Variants in KCNG3 observed in about 807,000 individuals in gnomAD.
KCNG3 encodes the protein voltage-gated potassium channel regulatory subunit KCNG3.
KCNG3 carries 15 observed loss-of-function variants against 29.0 expected under a neutral mutation model. The observed-to-expected ratio is 0.52, with a 90% CI of 0.35 to 0.80. The LOEUF is 0.80. Ranked by LOEUF, KCNG3 falls within the 30% of genes least tolerant of loss-of-function variation. KCNG3 has a pLI of 0.01. For synonymous variants in KCNG3, 322 were observed against 248.9 expected (o/e 1.29, Z -2.76); for missense variants, 512 against 605.7 (o/e 0.85, Z 1.62).
rs150742638 is a variant in KCNG3 at position 42,446,147 on chromosome 2, T to C, written c.666-1568A>G. Among the ~76,000 whole-genome samples, 575 of 151,972 alleles carry C rather than the reference T, an allele frequency of 3.8e-3. 3 individuals carry two copies. Among genetic ancestry groups the C allele is most frequent in the Middle Eastern group, 0.014 (4 of 292 alleles). On this transcript the variant is annotated intron_variant, in intron 1 of 1. Transcript: ENST00000306078. ...CACCTCTGGCCCTGTGAGCTGTAAT[T>C]TGAAGGTAATTTTAAATTTAATTAA...
At chr2:42,482,101 G>T (rs1373865172) in intron 1 of KCNG3, among the ~76,000 whole-genome samples, 2 of 152,170 alleles carry the variant, frequency 1.3e-5, no homozygotes, top group Non-Finnish European at 2.9e-5. Context: ...TGGGACTACA[G>T]TGTTATGTAT....
At chr2:42,411,970 T>C in the KCNG3 span, among the ~76,000 whole-genome samples, 229 of 152,348 alleles carry the variant, frequency 1.5e-3, no homozygotes, top group African/African-American at 5.3e-3. Flanking sequence ...TTAGCTTTGA[T>C]GAATCAAATA....
chr2:42,400,344 T>C, the KCNG3 span, among the ~76,000 whole-genome samples: 1 of 152,128 alleles, frequency 6.6e-6, no homozygotes, highest in Admixed American at 6.5e-5. Context: ...ACAGTGCCCA[T>C]GAGACAACAA....
Position 42,464,719 on chromosome 2 carries a change from G to A in KCNG3, c.666-20140C>T, listed in dbSNP as rs138990527. Among the ~76,000 whole-genome samples, 976 of 152,228 alleles carry A rather than the reference G, an allele frequency of 6.4e-3. 15 individuals carry two copies. The highest frequency in any genetic ancestry group is 0.022 in the African/African-American group (934 of 41,534). ...TGGCCAGCATCAACCAGGCCTTCAA[G>A]TCTGAGCTCAAGGATCACCACCCCA... On this transcript the variant is annotated intron_variant, in intron 1 of 1. Coordinates refer to ENST00000306078, the MANE Select transcript of KCNG3 (RefSeq NM_133329.6).
chr2:42,450,999 G>A (rs994557478), intron 1 of KCNG3, among the ~76,000 whole-genome samples: 1 of 152,126 alleles, frequency 6.6e-6, no homozygotes, highest in Non-Finnish European at 1.5e-5. Flanking sequence ...GAGGTCAGGA[G>A]TTCGAGACCA....
chr2:42,388,986 C>T, the KCNG3 span, among the ~76,000 whole-genome samples: 22 of 152,022 alleles, frequency 1.4e-4, no homozygotes, highest in Admixed American at 1.4e-3. Context: ...GGCAGGATCT[C>T]GGCTTACTGT....
chr2:42,464,972 G>A (rs1673104414), intron 1 of KCNG3, among the ~76,000 whole-genome samples: 1 of 152,000 alleles, frequency 6.6e-6, no homozygotes, highest in Non-Finnish European at 1.5e-5. Flanking sequence ...CAGAAAATAC[G>A]TTGCTTGACT....
At chr2:42,457,540 G>T (rs1672904733) in intron 1 of KCNG3, among the ~76,000 whole-genome samples, 1 of 149,758 alleles carries the variant, frequency 6.7e-6, no homozygotes, top group Non-Finnish European at 1.5e-5. Context: ...ATAATAAATG[G>T]CAGGTTAATA....
At chr2:42,414,814 C>A in the KCNG3 span, among the ~76,000 whole-genome samples, 1 of 152,158 alleles carries the variant, frequency 6.6e-6, no homozygotes, top group Admixed American at 6.6e-5. Flanking sequence ...TTTACAAATT[C>A]TCTCTTCAAA....
chr2:42,428,458 G>GAAAAAAAAAAAA, the KCNG3 span, among the ~76,000 whole-genome samples: 3 of 104,528 alleles, frequency 2.9e-5, 1 homozygote, highest in African/African-American at 4.1e-5. Flanking sequence ...CCCGGTCTCG[G>GAAAAAAAAAAAA]GAAAAAAAAA....
intron 1 of KCNG3, among the ~76,000 whole-genome samples, chr2:42,452,666 C>T (rs553108426): frequency 6.6e-6 from 1 of 152,204 alleles, no homozygotes; most frequent in East Asian, 1.9e-4. Context: ...AAAAAAATGA[C>T]CTCCAGTTCC....
At chr2:42,400,296 T>C in the KCNG3 span, among the ~76,000 whole-genome samples, 1 of 152,090 alleles carries the variant, frequency 6.6e-6, no homozygotes, top group African/African-American at 2.4e-5. Flanking sequence ...ACCTGCAGGA[T>C]GGAGGTCCCT....
intron 1 of KCNG3, among the ~76,000 whole-genome samples, chr2:42,475,315 C>T (rs900423011): frequency 7.0e-6 from 1 of 141,874 alleles, no homozygotes; most frequent in South Asian, 2.3e-4. Flanking sequence ...CAGAACAAGC[C>T]TCTGTCTCTT....
rs762844302 is a variant in KCNG3 at position 42,444,673 on chromosome 2, A to C, written c.666-94T>G. On this transcript the variant is annotated intron_variant, in intron 1 of 1. Coordinates refer to ENST00000306078, the MANE Select transcript of KCNG3 (RefSeq NM_133329.6). This position sits in a 1 kb window ranked among gnomAD's most constrained non-coding sequence, Gnocchi z 5.8. ...CAGATAGTACTACACTGACATACTAATTCAGTTACTTTTCCAGAAAACATA... is the reference window on the plus strand; with the variant it reads ...CAGATAGTACTACACTGACATACTACTTCAGTTACTTTTCCAGAAAACATA... 8.9e-7 allele frequency: 1 copy of C among 1,124,496 alleles called. No homozygotes were observed. The highest frequency in any genetic ancestry group is 2.4e-5 in the Admixed American group (1 of 42,342). The allele number at this position is 1,124,496 out of a possible 1,614,324, so 69.7% of individuals were successfully genotyped here.
At chr2:42,482,859 G>A (rs1673624175) in intron 1 of KCNG3, among the ~76,000 whole-genome samples, 1 of 152,122 alleles carries the variant, frequency 6.6e-6, no homozygotes, top group African/African-American at 2.4e-5. Flanking sequence ...AGTGGCTCAT[G>A]CCTATAATCC....
chr2:42,427,327 G>A, the KCNG3 span, among the ~76,000 whole-genome samples: 1 of 152,194 alleles, frequency 6.6e-6, no homozygotes, highest in African/African-American at 2.4e-5. Flanking sequence ...TTCCTGACAG[G>A]GAGTGGTGGC....
rs1277947467 is a variant in KCNG3 at position 42,444,052 on chromosome 2, A to G, written c.1193T>C (p.Ile398Thr). The change falls in exon 2 of 2, where the codon ATT becomes ACT. Residue 398 changes from isoleucine (I) to threonine (T), a missense_variant. Transcript: ENST00000306078. The surrounding 1 kb of genome is among the most constrained non-coding windows in gnomAD (Gnocchi z 5.8). ...ILGGVCVVSG[I>T]VLLALPITFI... is the part of the protein sequence containing the mutation. ...AGTGATAGGTAATGCCAATAGAACA[A>G]TTCCACTGACAACACAAACTCCTCC... 1 of 1,614,214 alleles carries G rather than the reference A, an allele frequency of 6.2e-7. No homozygotes were observed. The highest frequency in any genetic ancestry group is 8.5e-7 in the Non-Finnish European group (1 of 1,180,030).
chr2:42,487,332 CT>C lies in KCNG3; in HGVS notation c.665+5504del, dbSNP rs1256400977. Reference sequence around the variant, plus strand: ...CTAATATCATAAAAAGAGCTAATTTCTTTTTTTTTTCTTTCTTTTTTTTTTT... The same window carrying C: ...CTAATATCATAAAAAGAGCTAATTTCTTTTTTTTTCTTTCTTTTTTTTTTT... On this transcript the variant is annotated intron_variant, in intron 1 of 1. Transcript: ENST00000306078. Among the ~76,000 whole-genome samples, 343 of 128,748 alleles carry C rather than the reference CT, an allele frequency of 2.7e-3. 1 individual carries two copies. Among genetic ancestry groups the C allele is most frequent in the South Asian group, 0.014 (54 of 3,914 alleles). The allele number at this position is 128,748 out of a possible 152,430, so 84.5% of individuals were successfully genotyped here.
rs759171988 is a variant in KCNG3, at chr2:42,493,056, G to A, written c.446C>T (p.Pro149Leu). 2.0e-6 allele frequency: 3 copies of A among 1,526,292 alleles called. No individual in the cohort carries two copies. Among genetic ancestry groups the A allele is most frequent in the South Asian group, 1.2e-5 (1 of 81,882 alleles). The allele number at this position is 1,526,292 out of a possible 1,614,324, so 94.5% of individuals were successfully genotyped here. Reference sequence around the variant, plus strand: ...CATGCGCTCCAGCCAGCGCCTGGAGGGAGCCGCCTCGGCCCCGCCGGGGCG... The same window carrying A: ...CATGCGCTCCAGCCAGCGCCTGGAGAGAGCCGCCTCGGCCCCGCCGGGGCG... ...EARPGGAEAA[P>L]SRRWLERMRR... The change falls in exon 1 of 2, where the codon CCC (proline) becomes CTC (leucine). Residue 149 changes from proline (P) to leucine (L), a missense_variant. Pro to Leu is a moderately conservative substitution (Grantham distance 98, BLOSUM62 -3). Coordinates refer to ENST00000306078, the MANE Select transcript of KCNG3 (RefSeq NM_133329.6).
Sources: allele counts gnomAD v4.1 joint callset (sites outside exome capture counted in the v4.1 genomes callset), GRCh38; gene constraint gnomAD v4.1.1; non-coding constraint Gnocchi (gnomAD v3.1); transcripts MANE v1.5; gene names NCBI Gene and HGNC (gene_info 2026-07-23, HGNC 2026-07-21).